Variants in ELOC observed in about 807,000 individuals in gnomAD.
ELOC encodes the protein elongin C, also known as elongin-C.
For synonymous variants in ELOC, 40 were observed against 51.3 expected (o/e 0.78, Z 0.94); for missense variants, 38 against 139.0 (o/e 0.27, Z 3.65).
At chr8:73,951,925 C>T (rs899088005) in intron 3 of ELOC, among the ~76,000 whole-genome samples, 9 of 152,108 alleles carry the variant, frequency 5.9e-5, no homozygotes, top group East Asian at 1.9e-4. Context: ...TATGGGGAAA[C>T]GGTCTCTTCA....
At position 73,959,798 on chromosome 8, in the gene ELOC, C is replaced by T; in HGVS notation, c.-30G>A. 6.5e-7 allele frequency: 1 copy of T among 1,539,374 alleles called. No homozygotes were observed. Among genetic ancestry groups the T allele is most frequent in the Non-Finnish European group, 8.7e-7 (1 of 1,144,008 alleles). On this transcript the variant is annotated 5_prime_UTR_variant, in exon 2 of 4. Coordinates refer to ENST00000520242, the MANE Select transcript of ELOC (RefSeq NM_005648.4). Reference sequence around the variant, plus strand: ...TTCTTATGAAATTCTACTTTGCTTCCCCAGGAACTTTAGTAGTTTCCTGAA... The same window carrying T: ...TTCTTATGAAATTCTACTTTGCTTCTCCAGGAACTTTAGTAGTTTCCTGAA...
chr8:73,968,492 T>G (rs931911498), intron 1 of ELOC, among the ~76,000 whole-genome samples: 1 of 152,186 alleles, frequency 6.6e-6, no homozygotes, highest in African/African-American at 2.4e-5. Context: ...AAGCAGATAT[T>G]CCCAACATAT....
chr8:73,953,992 T>A (rs1339750951), intron 3 of ELOC, among the ~76,000 whole-genome samples: 1 of 152,188 alleles, frequency 6.6e-6, no homozygotes, highest in Non-Finnish European at 1.5e-5. Flanking sequence ...TCTGGCTGAA[T>A]GAAATATTAT....
At position 73,970,858 on chromosome 8, in the gene ELOC, AC is replaced by A. The variant is rs201948162; in HGVS notation, c.-51+1218del. ...GGTGAAACCCCATCTCTACTAAAAA[AC>A]AAAACAAAACAAAAAAAAAACAAAA... On this transcript the variant is annotated intron_variant, in intron 1 of 3. Transcript: ENST00000520242. Among the ~76,000 whole-genome samples, 248 of 137,194 alleles carry A rather than the reference AC, an allele frequency of 1.8e-3. 1 individual carries two copies. The highest frequency in any genetic ancestry group is 7.1e-3 in the African/African-American group (239 of 33,822). The allele number at this position is 137,194 out of a possible 152,430, so 90.0% of individuals were successfully genotyped here. A position where few individuals can be genotyped will look rare whatever the true frequency, so the allele number is the denominator to read the frequency against.
chr8:73,964,456 G>A (rs1311675707), intron 1 of ELOC: 1 of 152,006 alleles, frequency 6.6e-6, no homozygotes, highest in Non-Finnish European at 1.5e-5. Flanking sequence ...GCAAAATAAG[G>A]CTACTAGAAG....
At chr8:73,964,025 G>A (rs561885918) in intron 1 of ELOC, among the ~76,000 whole-genome samples, 16 of 148,130 alleles carry the variant, frequency 1.1e-4, no homozygotes, top group African/African-American at 3.0e-4. Context: ...CCCAGGAGGC[G>A]GAGGTTGCAG....
At chr8:73,950,849 T>G (rs1020111348) in intron 3 of ELOC, among the ~76,000 whole-genome samples, 3 of 152,216 alleles carry the variant, frequency 2.0e-5, no homozygotes, top group African/African-American at 7.2e-5. Flanking sequence ...TCTGTAAAAT[T>G]AATGGCCTGC....
chr8:73,959,729 C>A, intron 2 of ELOC, 36 bp downstream of exon 2: 1 of 1,509,774 alleles, frequency 6.6e-7, no homozygotes, highest in Admixed American at 2.3e-5. Flanking sequence ...CCAGTTTCTA[C>A]TAGTTAAAAC....
At chr8:73,948,433 A>G (rs1376747757) in intron 3 of ELOC, among the ~76,000 whole-genome samples, 2 of 152,176 alleles carry the variant, frequency 1.3e-5, no homozygotes, top group Admixed American at 1.3e-4. Context: ...GTCAGGGCAA[A>G]TAACAGGTTT....
At position 73,946,648 on chromosome 8, in the gene ELOC, C is replaced by G; in HGVS notation, c.321G>C (p.Ala107=). The change falls in exon 4 of 4, where the codon GCG becomes GCC. Residue 107 remains alanine (A), a synonymous_variant. Transcript: ENST00000520242. ...PEIALELLMA[A]NFLDC ...ATTTTATTTAACAATCTAAGAAGTT[C>G]GCAGCCATCAGCAGTTCCAGTGCAA... 6.3e-7 allele frequency: 1 copy of G among 1,591,744 alleles called. No individual in the cohort carries two copies. The highest frequency in any genetic ancestry group is 8.5e-7 in the Non-Finnish European group (1 of 1,169,708).
intron 3 of ELOC, among the ~76,000 whole-genome samples, chr8:73,951,718 C>T (rs1813779201): frequency 6.6e-6 from 1 of 152,030 alleles, no homozygotes; most frequent in Non-Finnish European, 1.5e-5. Flanking sequence ...GCAAGGGATC[C>T]CAAATAGCCC....
chr8:73,952,573 G>T (rs751145651), intron 3 of ELOC, among the ~76,000 whole-genome samples: 10 of 150,590 alleles, frequency 6.6e-5, no homozygotes, highest in Non-Finnish European at 1.0e-4. Flanking sequence ...GAGGTCAGGA[G>T]ATCAAGACCT....
intron 1 of ELOC, among the ~76,000 whole-genome samples, chr8:73,964,833 G>A (rs1318522836): frequency 6.6e-6 from 1 of 152,024 alleles, no homozygotes; most frequent in Admixed American, 6.6e-5. Context: ...AGACCAGCCT[G>A]GACAACATGG....
chr8:73,966,262 T>C (rs192541801), intron 1 of ELOC, among the ~76,000 whole-genome samples: 1 of 152,138 alleles, frequency 6.6e-6, no homozygotes, highest in East Asian at 1.9e-4. Flanking sequence ...AGAACTAACA[T>C]TAACAGAGAT....
At chr8:73,963,059 T>C (rs1814712079) in intron 1 of ELOC, among the ~76,000 whole-genome samples, 1 of 152,276 alleles carries the variant, frequency 6.6e-6, no homozygotes, top group East Asian at 1.9e-4. Flanking sequence ...AACCGCTGGA[T>C]TGAGAATAGT....
At chr8:73,952,012 TAAGACCA>T (rs1182280937) in intron 3 of ELOC, among the ~76,000 whole-genome samples, 1 of 152,038 alleles carries the variant, frequency 6.6e-6, no homozygotes, top group Non-Finnish European at 1.5e-5. Context: ...AAAATTAACT[TAAGACCA>T]AAGACCTAAA....
At chr8:73,961,358 G>C (rs1814580893) in intron 1 of ELOC, among the ~76,000 whole-genome samples, 1 of 152,214 alleles carries the variant, frequency 6.6e-6, no homozygotes, top group South Asian at 2.1e-4. Context: ...AAAGGAACTT[G>C]CAAGTAACCT....
At chr8:73,971,436 C>A (rs1815395065) in intron 1 of ELOC, among the ~76,000 whole-genome samples, 2 of 152,128 alleles carry the variant, frequency 1.3e-5, no homozygotes, top group Admixed American at 6.6e-5. Context: ...GTTTTCTACA[C>A]TAAAAGCAAT....
intron 1 of ELOC, among the ~76,000 whole-genome samples, chr8:73,969,346 C>T (rs984087678): frequency 1.3e-5 from 2 of 152,138 alleles, no homozygotes; most frequent in Non-Finnish European, 2.9e-5. Context: ...GAAAGCAAAA[C>T]CCATTTGGCT....
Sources: gnomAD v4.1 joint callset for allele counts (sites outside exome capture counted in the v4.1 genomes callset) on GRCh38, gnomAD v4.1.1 for gene constraint, MANE v1.5 for transcripts, NCBI Gene and HGNC (gene_info 2026-07-23, HGNC 2026-07-21) for gene names.